Variants in FBXO34 observed in about 807,000 individuals in gnomAD.
The protein encoded by FBXO34 is F-box protein 34.
A neutral mutation model predicts 24.5 loss-of-function variants in FBXO34; 12 were observed. That is an observed-to-expected ratio of 0.49 (90% confidence interval 0.31 to 0.79). The LOEUF is 0.79. Among genes scored for constraint, FBXO34 ranks in the 30% least tolerant of loss-of-function variants. The pLI, the probability that FBXO34 is intolerant of heterozygous loss-of-function variation, is 0.04. For synonymous variants in FBXO34, 320 were observed against 311.9 expected (o/e 1.03, Z -0.27); for missense variants, 823 against 857.7 (o/e 0.96, Z 0.51).
the FBXO34 span, among the ~76,000 whole-genome samples, chr14:55,428,081 C>A: frequency 1.4e-5 from 2 of 147,232 alleles, no homozygotes; most frequent in African/African-American, 5.1e-5. Context: ...AGCTGTCAAG[C>A]CCCTTCCTAC....
At chr14:55,281,532 A>G (rs1881542834) in intron 1 of FBXO34, among the ~76,000 whole-genome samples, 3 of 152,232 alleles carry the variant, frequency 2.0e-5, no homozygotes, top group Admixed American at 2.0e-4. Context: ...TTTAGACGTC[A>G]TAAGATAGTC....
chr14:55,431,212 A>G, the FBXO34 span, among the ~76,000 whole-genome samples: 1 of 152,204 alleles, frequency 6.6e-6, no homozygotes, highest in Non-Finnish European at 1.5e-5. Context: ...CTCACAACTC[A>G]CTATCCAAAA....
intron 1 of FBXO34, among the ~76,000 whole-genome samples, chr14:55,281,999 T>TTTC (rs2139648307): frequency 9.2e-6 from 1 of 108,472 alleles, no homozygotes; most frequent in African/African-American, 3.2e-5. Flanking sequence ...AGCTTTTTTT[T>TTTC]TTTTTTTTTT....
At chr14:55,310,461 C>T (rs1280042692) in intron 1 of FBXO34, among the ~76,000 whole-genome samples, 1 of 152,060 alleles carries the variant, frequency 6.6e-6, no homozygotes, top group Admixed American at 6.5e-5. Context: ...GTCACACCAC[C>T]AAACCAGGAT....
the FBXO34 span, chr14:55,395,252 G>T: frequency 2.9e-6 from 1 of 350,380 alleles, no homozygotes. Flanking sequence ...CAGGGAAGGC[G>T]TGTGCCAAGC....
the FBXO34 span, among the ~76,000 whole-genome samples, chr14:55,394,483 A>T: frequency 8.5e-5 from 13 of 152,178 alleles, no homozygotes; most frequent in Admixed American, 8.5e-4. Flanking sequence ...AACTTTCCTT[A>T]TAAAGTCATC....
chr14:55,383,596 A>C, the FBXO34 span, among the ~76,000 whole-genome samples: 1,440 of 151,356 alleles, frequency 9.5e-3, 16 homozygotes, highest in Middle Eastern at 0.034. Flanking sequence ...AACAAAAAAA[A>C]CCCCCAAGAA....
chr14:55,303,140 T>TA (rs951633367), intron 1 of FBXO34, among the ~76,000 whole-genome samples: 6 of 149,748 alleles, frequency 4.0e-5, no homozygotes, highest in African/African-American at 1.5e-4. Flanking sequence ...TTTTTTTTTT[T>TA]AGCATTGGCT....
chr14:55,409,208 G>A, the FBXO34 span, among the ~76,000 whole-genome samples: 5 of 152,192 alleles, frequency 3.3e-5, no homozygotes, highest in East Asian at 9.6e-4. Flanking sequence ...AAAAAGAAAA[G>A]TATAGGATAA....
intron 1 of FBXO34, among the ~76,000 whole-genome samples, chr14:55,289,521 A>G (rs1034664333): frequency 1.4e-4 from 21 of 151,888 alleles, no homozygotes; most frequent in Non-Finnish European, 2.6e-4. Context: ...CTTTCTTTCT[A>G]TGTATGTGTG....
chr14:55,301,849 A>G (rs754055131), intron 1 of FBXO34, among the ~76,000 whole-genome samples: 6 of 152,312 alleles, frequency 3.9e-5, no homozygotes, highest in Non-Finnish European at 8.8e-5. Context: ...GAGTCATGTC[A>G]TGTGTACCAT....
chr14:55,393,201 G>A, the FBXO34 span, among the ~76,000 whole-genome samples: 3 of 148,384 alleles, frequency 2.0e-5, no homozygotes, highest in Admixed American at 6.8e-5. Context: ...CTAACACGGT[G>A]AAACCCCGTC....
Position 55,350,643 on chromosome 14 carries a change from G to C in FBXO34, c.253G>C (p.Val85Leu). 6.2e-7 allele frequency: 1 copy of C among 1,613,608 alleles called. No individual in the cohort carries two copies. Among genetic ancestry groups the C allele is most frequent in the South Asian group, 1.1e-5 (1 of 90,978 alleles). The change falls in exon 2 of 2, where the codon GTT (valine) becomes CTT (leucine). Residue 85 changes from valine (V) to leucine (L), a missense_variant. This residue lies in a region of FBXO34 where 693 missense variants were observed against 659.1 expected (regional missense o/e 1.05). Transcript: ENST00000313833. ...GAGTCCTGTAGAGAGCAGCTTGAATGTTAAAACCAAAAAGAATGCACCATC... is the reference window on the plus strand; with the variant it reads ...GAGTCCTGTAGAGAGCAGCTTGAATCTTAAAACCAAAAAGAATGCACCATC... ...GKSPVESSLN[V>L]KTKKNAPSAT...
At chr14:55,279,931 C>G (rs1402362203) in intron 1 of FBXO34, among the ~76,000 whole-genome samples, 1 of 152,194 alleles carries the variant, frequency 6.6e-6, no homozygotes, top group Non-Finnish European at 1.5e-5. Flanking sequence ...CTCCCTTTAC[C>G]TCCATGGTCA....
At chr14:55,440,723 G>C in the FBXO34 span, 2 of 646,524 alleles carry the variant, frequency 3.1e-6, no homozygotes, top group Non-Finnish European at 5.0e-6. Flanking sequence ...TCGCCTGGGG[G>C]CAGTCACCCC....
At chr14:55,413,643 C>T in the FBXO34 span, 21 of 407,376 alleles carry the variant, frequency 5.2e-5, no homozygotes, top group Admixed American at 4.2e-4. Flanking sequence ...AGCAGGCTGG[C>T]GCTTCAGTTG....
intron 1 of FBXO34, among the ~76,000 whole-genome samples, chr14:55,287,415 A>C (rs1031790509): frequency 6.6e-6 from 1 of 152,164 alleles, no homozygotes; most frequent in Non-Finnish European, 1.5e-5. Context: ...TCTTATACTT[A>C]TTCACACATA....
chr14:55,342,051 G>C (rs185460792), intron 1 of FBXO34, among the ~76,000 whole-genome samples: 7 of 152,030 alleles, frequency 4.6e-5, no homozygotes, highest in Admixed American at 1.3e-4. Flanking sequence ...CATTTATTGC[G>C]AGCACAAAAG....
At chr14:55,379,128 TA>T in the FBXO34 span, among the ~76,000 whole-genome samples, 3 of 152,240 alleles carry the variant, frequency 2.0e-5, no homozygotes, top group African/African-American at 7.2e-5. Flanking sequence ...GGGCAAGGAT[TA>T]TTTTTTTGTC....
Sources: allele counts gnomAD v4.1 joint callset (sites outside exome capture counted in the v4.1 genomes callset), GRCh38; gene constraint gnomAD v4.1.1; regional missense constraint gnomAD v4.1.1; transcripts MANE v1.5; gene names NCBI Gene and HGNC (gene_info 2026-07-23, HGNC 2026-07-21).